Variants in C9orf85 observed in about 807,000 individuals in gnomAD.
C9orf85 encodes the protein chromosome 9 open reading frame 85.
Under a neutral mutation model 14.9 loss-of-function variants are expected in C9orf85, and 16 were observed. That is an observed-to-expected ratio of 1.08 (90% CI 0.73 to 1.63). C9orf85 has a LOEUF of 1.63. Among genes scored for constraint, C9orf85 ranks in the 40% most tolerant of loss-of-function variants. The pLI is 0.00. For missense variants in C9orf85, 172 were observed against 186.1 expected (o/e 0.92, Z 0.44); for synonymous variants, 45 against 56.8 (o/e 0.79, Z 0.93).
At chr9:71,980,595 T>C (rs147144296) in intron 3 of C9orf85, among the ~76,000 whole-genome samples, 1 of 152,296 alleles carries the variant, frequency 6.6e-6, no homozygotes, top group Non-Finnish European at 1.5e-5. Context: ...CTGTACTCGA[T>C]ATGTTTTCTG....
intron 2 of C9orf85, among the ~76,000 whole-genome samples, chr9:71,968,493 A>G (rs966907441): frequency 6.6e-6 from 1 of 151,238 alleles, no homozygotes; most frequent in Admixed American, 6.6e-5. Context: ...AGAGGAGTAT[A>G]TTTATTTCTT....
At chr9:71,932,213 C>G (rs1244854940) in intron 1 of C9orf85, among the ~76,000 whole-genome samples, 2 of 152,112 alleles carry the variant, frequency 1.3e-5, no homozygotes, top group African/African-American at 4.8e-5. Flanking sequence ...TGTACACACT[C>G]AGTTTGTACA....
At chr9:71,944,719 A>G (rs1311240820) in intron 1 of C9orf85, among the ~76,000 whole-genome samples, 1 of 152,168 alleles carries the variant, frequency 6.6e-6, no homozygotes, top group Non-Finnish European at 1.5e-5. Flanking sequence ...TTGCCAAAGA[A>G]TGGTAAAACA....
At chr9:71,915,925 A>G (rs1827636925) in intron 1 of C9orf85, among the ~76,000 whole-genome samples, 1 of 152,232 alleles carries the variant, frequency 6.6e-6, no homozygotes, top group Non-Finnish European at 1.5e-5. Context: ...ACTATGCCAA[A>G]AAGGCCGCAG....
At chr9:71,931,649 T>C (rs1264157336) in intron 1 of C9orf85, among the ~76,000 whole-genome samples, 4 of 152,184 alleles carry the variant, frequency 2.6e-5, no homozygotes, top group African/African-American at 9.7e-5. Context: ...CCTGGATTTG[T>C]TTCTTCCTAT....
chr9:71,958,311 G>A (rs931561984), intron 2 of C9orf85, among the ~76,000 whole-genome samples: 1 of 148,526 alleles, frequency 6.7e-6, no homozygotes, highest in African/African-American at 2.5e-5. Flanking sequence ...TGCCCAGACT[G>A]GAGTGCAATG....
intron 2 of C9orf85, among the ~76,000 whole-genome samples, chr9:71,959,336 C>T (rs1394849693): frequency 6.6e-6 from 1 of 151,894 alleles, no homozygotes; most frequent in Admixed American, 6.6e-5. Context: ...AGGGTTTCTC[C>T]ATGTTGGTCA....
intron 1 of C9orf85, among the ~76,000 whole-genome samples, chr9:71,917,962 C>A (rs1827696331): frequency 6.6e-6 from 1 of 152,168 alleles, no homozygotes; most frequent in Non-Finnish European, 1.5e-5. Context: ...GCAGGCAGAT[C>A]ACTTGAGGTC....
At chr9:71,936,438 T>C (rs978400227) in intron 1 of C9orf85, among the ~76,000 whole-genome samples, 1 of 136,014 alleles carries the variant, frequency 7.4e-6, no homozygotes, top group African/African-American at 2.7e-5. Context: ...ATTGAAAGTA[T>C]TACCCTACTT....
chr9:71,985,331 A>G (rs1354852448), downstream of C9orf85: 1 of 152,190 alleles, frequency 6.6e-6, no homozygotes, highest in Non-Finnish European at 1.5e-5. Context: ...GACTCCAGCA[A>G]ATTGCTTCAA....
At chr9:71,947,466 C>T (rs980837927) in intron 2 of C9orf85, among the ~76,000 whole-genome samples, 3 of 152,084 alleles carry the variant, frequency 2.0e-5, no homozygotes, top group African/African-American at 4.8e-5. Context: ...ATTCTTAAAA[C>T]GGATCAGACC....
chr9:71,915,203 A>G, intron 1 of C9orf85, among the ~76,000 whole-genome samples: 1 of 147,640 alleles, frequency 6.8e-6, no homozygotes, highest in East Asian at 2.0e-4. Flanking sequence ...TTTTTTTGAG[A>G]CAGAGTCTCG....
At chr9:71,920,520 G>C (rs1327009068) in intron 1 of C9orf85, among the ~76,000 whole-genome samples, 3 of 152,172 alleles carry the variant, frequency 2.0e-5, no homozygotes, top group African/African-American at 7.2e-5. Context: ...CTATAGTAGG[G>C]AGGGGCATAG....
chr9:71,954,277 C>T (rs1263999923), intron 2 of C9orf85, among the ~76,000 whole-genome samples: 1 of 82,026 alleles, frequency 1.2e-5, no homozygotes, highest in Non-Finnish European at 2.4e-5. Flanking sequence ...ATTGGTTGGT[C>T]GGGGGGAGGG....
intron 1 of C9orf85, chr9:71,941,708 A>G (rs1821933378): frequency 1.3e-5 from 2 of 152,192 alleles, no homozygotes; most frequent in Non-Finnish European, 2.9e-5. Context: ...TTTGGAGAGG[A>G]AAAAACAGCT....
intron 2 of C9orf85, 72 bp from the exon 3 acceptor site, chr9:71,971,433 T>C: frequency 1.1e-5 from 10 of 905,838 alleles, no homozygotes; most frequent in Non-Finnish European, 1.5e-5. Context: ...ACTATACATT[T>C]AGACACATCT....
At chr9:71,984,085 A>C (rs1475901883), downstream of C9orf85, 1 of 152,210 alleles carries the variant, frequency 6.6e-6, no homozygotes, top group African/African-American at 2.4e-5. Context: ...ATTTTTCCTA[A>C]GAAACTGTTG....
intron 1 of C9orf85, among the ~76,000 whole-genome samples, chr9:71,938,073 A>G (rs1168978501): frequency 1.3e-5 from 2 of 152,168 alleles, no homozygotes; most frequent in African/African-American, 4.8e-5. Flanking sequence ...AATAAAATAC[A>G]TAAAAATAGT....
chr9:71,956,820 A>C (rs988196093), intron 2 of C9orf85, among the ~76,000 whole-genome samples: 1 of 152,198 alleles, frequency 6.6e-6, no homozygotes, highest in African/African-American at 2.4e-5. Context: ...TAGCCAGAGA[A>C]GAGTCTTTGA....
Sources: gnomAD v4.1 joint callset for allele counts (sites outside exome capture counted in the v4.1 genomes callset) on GRCh38, gnomAD v4.1.1 for gene constraint, MANE v1.5 for transcripts, NCBI Gene and HGNC (gene_info 2026-07-23, HGNC 2026-07-21) for gene names.